Variants in MSI2 observed in about 807,000 individuals in gnomAD.
The protein encoded by MSI2 is musashi RNA binding protein 2.
A neutral mutation model predicts 45.6 loss-of-function variants in MSI2; 17 were observed. The ratio of observed to expected loss-of-function variants is 0.37; its 90% CI spans 0.26 to 0.56. The LOEUF is 0.56. Among genes scored for constraint, MSI2 ranks in the 20% least tolerant of loss-of-function variants. The pLI, the probability that MSI2 is intolerant of heterozygous loss-of-function variation, is 0.77. For missense variants in MSI2, 293 were observed against 444.2 expected, an observed-to-expected ratio of 0.66 and a Z score of 3.06; for synonymous variants, 156 against 158.2, an observed-to-expected ratio of 0.99 and a Z score of 0.11.
chr17:57,293,205 C>T (rs1238084234), intron 5 of MSI2, among the ~76,000 whole-genome samples: 1 of 152,056 alleles, frequency 6.6e-6, no homozygotes, highest in Non-Finnish European at 1.5e-5. Flanking sequence ...GGTGTTTGCT[C>T]CAGAGCCTGG....
intron 7 of MSI2, among the ~76,000 whole-genome samples, chr17:57,555,242 C>T (rs1195581533): frequency 1.3e-5 from 2 of 151,790 alleles, no homozygotes; most frequent in African/African-American, 4.8e-5. Flanking sequence ...CCTCTGCACC[C>T]ACCGCCATGC....
intron 5 of MSI2, among the ~76,000 whole-genome samples, chr17:57,302,924 A>G (rs186520848): frequency 4.3e-4 from 65 of 152,322 alleles, no homozygotes; most frequent in Non-Finnish European, 6.9e-4. Flanking sequence ...ATCAACACCT[A>G]AGATAGAAAC....
In MSI2 at chr17:57,684,304, C is replaced by T. The variant is rs925389217; in HGVS notation, c.*4787C>T. 3 of 196,854 alleles carry T rather than the reference C, an allele frequency of 1.5e-5. No homozygotes were observed. Among genetic ancestry groups the T allele is most frequent in the East Asian group, 7.8e-5 (1 of 12,772 alleles). The allele number at this position is 196,854 out of a possible 1,614,324, so 12.2% of individuals were successfully genotyped here. On this transcript the variant is annotated 3_prime_UTR_variant, in exon 14 of 14. Transcript: ENST00000284073. The stretch of plus-strand genomic sequence containing the variant: ...ATATGTAATAGGATGCAAGTCTAAG[C>T]GTTTCATGTGGACATAAATGTATCT...
chr17:57,453,465 C>G (rs1567832830), intron 6 of MSI2, among the ~76,000 whole-genome samples: 1 of 152,220 alleles, frequency 6.6e-6, no homozygotes, highest in African/African-American at 2.4e-5. Context: ...TGAGCCATAT[C>G]CCTAGAACTT....
At chr17:57,388,981 C>T (rs2332892) in intron 5 of MSI2, among the ~76,000 whole-genome samples, 55,540 of 113,092 alleles carry the variant, frequency 0.49, 16,115 homozygotes, top group East Asian at 0.67. Context: ...TCTTCTTCTT[C>T]TTTTTTTTTT....
chr17:57,326,486 T>A (rs529553202), intron 5 of MSI2, among the ~76,000 whole-genome samples: 1 of 152,366 alleles, frequency 6.6e-6, no homozygotes, highest in East Asian at 1.9e-4. Flanking sequence ...TTGGTTCAAG[T>A]TGGCCTCTTC....
rs1905160276 is a variant in MSI2 at position 57,595,266 on chromosome 17, CA to C, written c.455-1600del. Among the ~76,000 whole-genome samples, 4 of 151,900 alleles carry C rather than the reference CA, an allele frequency of 2.6e-5. No individual in the cohort carries two copies. In the South Asian group the frequency reaches 8.3e-4, roughly 32 times the overall value. On this transcript the variant is annotated intron_variant, in intron 7 of 13. Transcript: ENST00000284073. Reference sequence around the variant, plus strand: ...GTATTTTGCTCATTGACTGGAAACACAATTATCATAATATAATTGTGATAGA... The same window carrying C: ...GTATTTTGCTCATTGACTGGAAACACATTATCATAATATAATTGTGATAGA...
intron 5 of MSI2, among the ~76,000 whole-genome samples, chr17:57,338,718 C>T (rs1914886782): frequency 1.3e-5 from 2 of 152,156 alleles, no homozygotes; most frequent in African/African-American, 4.8e-5. Flanking sequence ...TCATTTTGGT[C>T]CCTGCTATGG....
chr17:57,638,316 G>A (rs1330717431), intron 10 of MSI2, among the ~76,000 whole-genome samples: 1 of 152,208 alleles, frequency 6.6e-6, no homozygotes, highest in African/African-American at 2.4e-5. Flanking sequence ...TGTCACTTCA[G>A]TTGGGGCAAA....
chr17:57,426,890 G>A (rs772022932), intron 6 of MSI2, among the ~76,000 whole-genome samples: 1 of 152,252 alleles, frequency 6.6e-6, no homozygotes, highest in Non-Finnish European at 1.5e-5. Context: ...TGACAGAGAA[G>A]TGTTTGAGGA....
intron 5 of MSI2, among the ~76,000 whole-genome samples, chr17:57,371,305 G>A (rs938579400): frequency 2.0e-5 from 3 of 152,232 alleles, no homozygotes; most frequent in South Asian, 2.1e-4. Flanking sequence ...CAACTTAGAC[G>A]TTTACAGAAA....
chr17:57,574,314 G>A (rs1360097098), intron 7 of MSI2, among the ~76,000 whole-genome samples: 1 of 152,222 alleles, frequency 6.6e-6, no homozygotes, highest in African/African-American at 2.4e-5. Flanking sequence ...ACAAGCCAAT[G>A]AAATAAAATA....
intron 5 of MSI2, among the ~76,000 whole-genome samples, chr17:57,289,786 G>A (rs1910249112): frequency 1.3e-5 from 2 of 152,346 alleles, no homozygotes; most frequent in African/African-American, 4.8e-5. Context: ...TCTGCTGCAG[G>A]AGTGCTGCCC....
intron 11 of MSI2, among the ~76,000 whole-genome samples, chr17:57,671,793 C>T (rs999196246): frequency 3.9e-5 from 6 of 152,232 alleles, no homozygotes; most frequent in Non-Finnish European, 7.3e-5. Flanking sequence ...GTTTATGTGC[C>T]GAGTGGCAGT....
chr17:57,575,944 CAAAAA>C (rs34036311), intron 7 of MSI2, among the ~76,000 whole-genome samples: 83 of 64,434 alleles, frequency 1.3e-3, no homozygotes, highest in African/African-American at 4.0e-3. Flanking sequence ...GACTCCGTCT[CAAAAA>C]AAAAAAAAAA....
At chr17:57,367,201 G>T (rs1917256660) in intron 5 of MSI2, among the ~76,000 whole-genome samples, 1 of 152,228 alleles carries the variant, frequency 6.6e-6, no homozygotes, top group Admixed American at 6.5e-5. Context: ...CTGTTGGAGA[G>T]CACAGACGAA....
In MSI2 at chr17:57,614,479, A is replaced by G. The variant is rs551484177; in HGVS notation, c.538-1491A>G. Among the ~76,000 whole-genome samples, 40 of 152,370 alleles carry G rather than the reference A, an allele frequency of 2.6e-4. 1 individual carries two copies. In the South Asian group the frequency reaches 7.2e-3, roughly 28 times the overall value. On this transcript the variant is annotated intron_variant, in intron 8 of 13. Coordinates refer to ENST00000284073, the MANE Select transcript of MSI2 (RefSeq NM_138962.4). ...TACCTCAGCAGCTGTTGAACTATGT[A>G]GAGCTTTTGTTCCTATACCATATGG... is the stretch of plus-strand genomic sequence containing the variant.
intron 6 of MSI2, among the ~76,000 whole-genome samples, chr17:57,512,530 C>T (rs2086376531): frequency 6.6e-6 from 1 of 152,282 alleles, no homozygotes; most frequent in East Asian, 1.9e-4. Flanking sequence ...TAGAGGTTGG[C>T]CTCAGTGAGT....
intron 9 of MSI2, among the ~76,000 whole-genome samples, chr17:57,624,639 C>T (rs1157894880): frequency 4.6e-5 from 7 of 152,050 alleles, no homozygotes; most frequent in African/African-American, 1.4e-4. Context: ...CACCAAGCAC[C>T]GGGAAATAAG....
Sources: gnomAD v4.1 joint callset for allele counts (sites outside exome capture counted in the v4.1 genomes callset) on GRCh38, gnomAD v4.1.1 for gene constraint, MANE v1.5 for transcripts, NCBI Gene and HGNC (gene_info 2026-07-23, HGNC 2026-07-21) for gene names.